The following WRN variants were observed in gnomAD, a reference collection of about 807,000 sequenced individuals.
The protein encoded by WRN is bifunctional 3'-5' exonuclease/ATP-dependent helicase WRN.
Under a neutral mutation model 180.7 loss-of-function variants are expected in WRN, and 149 were observed. The ratio of observed to expected loss-of-function variants is 0.82; its 90% CI spans 0.72 to 0.94. WRN has a LOEUF of 0.94. WRN is among the 40% of genes least tolerant of loss of function. The pLI is 0.00. For synonymous variants in WRN, 548 were observed against 568.9 expected, an observed-to-expected ratio of 0.96 and a Z score of 0.52; for missense variants, 1,661 against 1,700.1, an observed-to-expected ratio of 0.98 and a Z score of 0.40.
At chr8:31,114,349 A>G (rs1330386447) in intron 19 of WRN, among the ~76,000 whole-genome samples, 2 of 152,198 alleles carry the variant, frequency 1.3e-5, no homozygotes, top group Non-Finnish European at 2.9e-5. Context: ...AGTCTCTCAT[A>G]TAATTTAGTG....
At chr8:31,154,343 G>T (rs1389688290) in intron 31 of WRN, among the ~76,000 whole-genome samples, 6 of 151,974 alleles carry the variant, frequency 3.9e-5, no homozygotes, top group Non-Finnish European at 7.4e-5. Flanking sequence ...TCACATTATA[G>T]TTCCTTTTTT....
chr8:31,054,936 C>T (rs1032121819), intron 1 of WRN, among the ~76,000 whole-genome samples: 2 of 152,090 alleles, frequency 1.3e-5, no homozygotes, highest in Non-Finnish European at 2.9e-5. Context: ...GTATTCTCAT[C>T]GTTCGGCTCC....
At chr8:31,101,877 A>G (rs1380380797) in intron 18 of WRN, among the ~76,000 whole-genome samples, 6 of 152,038 alleles carry the variant, frequency 3.9e-5, no homozygotes, top group South Asian at 2.1e-4. Context: ...AAAACCCACA[A>G]TAATAGCACT....
At position 31,100,884 on chromosome 8, in the gene WRN, A is replaced by G; in HGVS notation, c.2017A>G (p.Ile673Val). 1 of 1,613,622 alleles carries G rather than the reference A, an allele frequency of 6.2e-7. No homozygotes were observed. The highest frequency in any genetic ancestry group is 8.5e-7 in the Non-Finnish European group (1 of 1,179,908). ...TLIAVDEAHC[I>V]SEWGHDFRDS... ...CATTGCTGTGGATGAGGCTCACTGT[A>G]TTTCTGAGTGGGGGCATGATTTTAG... Residue 673 changes from isoleucine to valine, a missense_variant, in exon 18 of 35, where the codon ATT becomes GTT. Ile to Val is a conservative substitution (Grantham distance 29). Around this residue, in one of 3 missense-constraint regions of WRN, gnomAD observed 1,141 missense variants for 1,149.4 expected, o/e 0.99. Transcript: ENST00000298139.
At chr8:31,037,266 C>G (rs1386721925) in intron 1 of WRN, among the ~76,000 whole-genome samples, 27 of 152,200 alleles carry the variant, frequency 1.8e-4, no homozygotes, top group Admixed American at 1.8e-3. Context: ...AGGTTTTGCG[C>G]TGCTATGAGA....
chr8:31,082,724 G>A (rs1813367291), intron 9 of WRN, among the ~76,000 whole-genome samples: 1 of 151,842 alleles, frequency 6.6e-6, no homozygotes, highest in Admixed American at 6.6e-5. Context: ...AGCCTCCCGA[G>A]TCACTGGGAT....
chr8:31,099,575 T>C (rs925128272), intron 17 of WRN, among the ~76,000 whole-genome samples: 1 of 151,540 alleles, frequency 6.6e-6, no homozygotes, highest in Admixed American at 6.6e-5. Flanking sequence ...GTTTGTTTTT[T>C]TTTTTTGTCT....
At chr8:31,157,269 C>A in intron 32 of WRN, 99 bp from the exon 33 acceptor site, 2 of 1,527,458 alleles carry the variant, frequency 1.3e-6, no homozygotes, top group Non-Finnish European at 1.8e-6. Context: ...GTTTATTTCA[C>A]ACTGAGCATT....
intron 8 of WRN, 123 bp from the exon 9 acceptor site, chr8:31,080,744 A>G (rs1314863574): frequency 1.3e-6 from 1 of 797,644 alleles, no homozygotes; most frequent in Non-Finnish European, 2.0e-6. Flanking sequence ...AACAGCCTTA[A>G]TACTATTGAT....
intron 7 of WRN, among the ~76,000 whole-genome samples, chr8:31,069,678 A>G (rs1293842265): frequency 6.6e-6 from 1 of 152,184 alleles, no homozygotes; most frequent in Non-Finnish European, 1.5e-5. Flanking sequence ...TATGGATTTG[A>G]TATCAGTGGG....
intron 31 of WRN, among the ~76,000 whole-genome samples, chr8:31,151,235 G>T (rs962560187): frequency 6.6e-6 from 1 of 152,160 alleles, no homozygotes; most frequent in African/African-American, 2.4e-5. Flanking sequence ...GATGACATTA[G>T]AAAATAGAAG....
chr8:31,122,215 G>A (rs951619636), intron 21 of WRN, among the ~76,000 whole-genome samples: 6 of 151,892 alleles, frequency 4.0e-5, no homozygotes, highest in African/African-American at 1.4e-4. Flanking sequence ...TCAATCCTGA[G>A]GAAACTAAAA....
intron 13 of WRN, among the ~76,000 whole-genome samples, chr8:31,090,242 T>C (rs1813693873): frequency 6.6e-6 from 1 of 151,018 alleles, no homozygotes; most frequent in Non-Finnish European, 1.5e-5. Context: ...TTTAGATGTA[T>C]GTAGTGAAAT....
At chr8:31,162,219 A>G (rs1183945543) in intron 33 of WRN, among the ~76,000 whole-genome samples, 2 of 152,212 alleles carry the variant, frequency 1.3e-5, no homozygotes, top group African/African-American at 4.8e-5. Context: ...TTGTACAGCT[A>G]TACAAATATA....
intron 1 of WRN, among the ~76,000 whole-genome samples, chr8:31,042,804 C>T (rs1007021280): frequency 4.5e-4 from 68 of 152,194 alleles, no homozygotes; most frequent in African/African-American, 1.5e-3. Context: ...GAATGCCTTA[C>T]AATACCCACA....
At chr8:31,126,006 A>ATATATATAT (rs1327069743) in intron 23 of WRN, among the ~76,000 whole-genome samples, 2 of 150,580 alleles carry the variant, frequency 1.3e-5, no homozygotes, top group Admixed American at 6.6e-5. Context: ...ATATCTACTT[A>ATATATATAT]ACAAAAAGAC....
At chr8:31,093,366 G>T (rs1050367554) in intron 16 of WRN, among the ~76,000 whole-genome samples, 6 of 152,168 alleles carry the variant, frequency 3.9e-5, no homozygotes, top group Non-Finnish European at 7.4e-5. Flanking sequence ...TTTCCAAAGT[G>T]CCGGGATTAC....
Position 31,154,737 on chromosome 8 carries a change from A to G in WRN, c.3801A>G (p.Gln1267=), listed in dbSNP as rs779902531. ...QSMAITYSLF[Q]EKKMPLKSIA... is the part of the protein sequence containing the mutation. ...TGGCCATCACATACTCTTTATTCCAAGAAAAGAAGATGCCTTTGGTAAGTG... is the reference window on the plus strand; with the variant it reads ...TGGCCATCACATACTCTTTATTCCAGGAAAAGAAGATGCCTTTGGTAAGTG... The change falls in exon 32 of 35, where the codon CAA becomes CAG. Residue 1267 remains glutamine (Q), a synonymous_variant. Coordinates refer to ENST00000298139, the MANE Select transcript of WRN (RefSeq NM_000553.6). 9.9e-6 allele frequency: 16 copies of G among 1,613,418 alleles called. No individual in the cohort carries two copies. Among genetic ancestry groups the G allele is most frequent in the Non-Finnish European group, 1.4e-5 (16 of 1,179,688 alleles).
chr8:31,097,011 C>A (rs999561180), intron 17 of WRN, among the ~76,000 whole-genome samples, 161 bp downstream of exon 17: 9 of 152,292 alleles, frequency 5.9e-5, no homozygotes, highest in African/African-American at 1.9e-4. Context: ...CCTATCTTAT[C>A]CCATGATACT....
Sources: allele counts gnomAD v4.1 joint callset (sites outside exome capture counted in the v4.1 genomes callset), GRCh38; gene constraint gnomAD v4.1.1; regional missense constraint gnomAD v4.1.1; transcripts MANE v1.5; gene names NCBI Gene and HGNC (gene_info 2026-07-23, HGNC 2026-07-21).